Variants in TNRC6B observed in about 807,000 individuals in gnomAD.
TNRC6B encodes the protein trinucleotide repeat-containing gene 6B protein.
Under a neutral mutation model 203.6 loss-of-function variants are expected in TNRC6B, and 52 were observed. That is an observed-to-expected ratio of 0.26 (90% CI 0.20 to 0.32). The LOEUF (loss-of-function observed/expected upper bound fraction) is 0.32, where lower values mean the gene tolerates loss of function less well. TNRC6B is among the 10% of genes least tolerant of loss of function. The pLI, the probability that TNRC6B is intolerant of heterozygous loss-of-function variation, is 1.00. For synonymous variants in TNRC6B, 838 were observed against 845.7 expected, an observed-to-expected ratio of 0.99 and a Z score of 0.16; for missense variants, 1,923 against 2,286.2, an observed-to-expected ratio of 0.84 and a Z score of 3.24.
intron 1 of TNRC6B, among the ~76,000 whole-genome samples, chr22:40,048,463 C>CA (rs2067712848): frequency 6.6e-6 from 1 of 151,554 alleles, no homozygotes. Context: ...ATTGCTTGAA[C>CA]CAAGGAGGCG....
At chr22:40,211,786 G>A (rs1451954312) in intron 1 of TNRC6B, among the ~76,000 whole-genome samples, 3 of 152,124 alleles carry the variant, frequency 2.0e-5, no homozygotes, top group Non-Finnish European at 4.4e-5. Context: ...CTGTTAGGGA[G>A]ATATCTCCAT....
At chr22:40,059,218 A>G (rs1163663992) in intron 1 of TNRC6B, among the ~76,000 whole-genome samples, 1 of 152,122 alleles carries the variant, frequency 6.6e-6, no homozygotes, top group Admixed American at 6.5e-5. Context: ...CTTACTCTCA[A>G]AAAGCCTTCT....
At chr22:40,222,728 C>CTCTTTTTTTTTT (rs2069728214) in intron 1 of TNRC6B, among the ~76,000 whole-genome samples, 3 of 40,184 alleles carry the variant, frequency 7.5e-5, no homozygotes, top group South Asian at 1.5e-3. Flanking sequence ...CTCTCTCTCT[C>CTCTTTTTTTTTT]TTTTTTTTTT....
At chr22:40,281,048 T>C (rs2070715849) in intron 10 of TNRC6B, 71 bp from the exon 11 acceptor site, 2 of 1,297,896 alleles carry the variant, frequency 1.5e-6, no homozygotes, top group Middle Eastern at 1.9e-4. Context: ...TTTCTCTCTT[T>C]TCCCTTCTTG....
rs538889853 is a variant in TNRC6B, at chr22:40,121,244, G to A, written c.-47+4116G>A. On this transcript the variant is annotated intron_variant, in intron 2 of 23. Coordinates refer to the TNRC6B transcript ENST00000301923. The stretch of plus-strand genomic sequence containing the variant: ...CCTCCTCCCTCCCTCCCTCCCTTCC[G>A]TCCTTCCTTCCTTCCTTGTATAGCC... Among the ~76,000 whole-genome samples, 111 of 137,936 alleles carry A rather than the reference G, an allele frequency of 8.0e-4. No homozygotes were observed. The South Asian group carries it at 0.014, about 18-fold the overall frequency. 90.5% of individuals were successfully genotyped at this position (137,936 alleles called of 152,430 possible).
chr22:40,305,587 C>T (rs1367110665), intron 15 of TNRC6B, among the ~76,000 whole-genome samples: 3 of 152,186 alleles, frequency 2.0e-5, no homozygotes, highest in African/African-American at 4.8e-5. Flanking sequence ...CTGGTTACTA[C>T]GTGACATCAA....
At chr22:40,164,557 G>C (rs1397947995) in intron 4 of TNRC6B, among the ~76,000 whole-genome samples, 1 of 151,152 alleles carries the variant, frequency 6.6e-6, no homozygotes, top group Non-Finnish European at 1.5e-5. Flanking sequence ...GAGGTCAGGA[G>C]TCCAAGACCA....
At chr22:40,242,391 C>T (rs968423848) in intron 1 of TNRC6B, among the ~76,000 whole-genome samples, 1 of 152,024 alleles carries the variant, frequency 6.6e-6, no homozygotes, top group African/African-American at 2.4e-5. Flanking sequence ...AACTTATTTT[C>T]TCAACAGTGA....
At chr22:40,222,609 A>G (rs2069724852) in intron 1 of TNRC6B, among the ~76,000 whole-genome samples, 1 of 151,972 alleles carries the variant, frequency 6.6e-6, no homozygotes, top group Admixed American at 6.6e-5. Context: ...TTTTACTTAA[A>G]GTTTTTATTT....
At chr22:40,125,140 CATTTT>C (rs1395403958) in intron 2 of TNRC6B, among the ~76,000 whole-genome samples, 1 of 152,042 alleles carries the variant, frequency 6.6e-6, no homozygotes, top group Non-Finnish European at 1.5e-5. Context: ...TTTCTTGACT[CATTTT>C]ATTCTTTGAG....
chr22:40,144,360 G>A (rs1282619667), intron 3 of TNRC6B, among the ~76,000 whole-genome samples: 2 of 152,198 alleles, frequency 1.3e-5, no homozygotes, highest in African/African-American at 4.8e-5. Context: ...TGTCTGTGCA[G>A]TGGAACACTA....
intron 1 of TNRC6B, among the ~76,000 whole-genome samples, chr22:40,116,771 A>G (rs1453309180): frequency 2.6e-5 from 4 of 152,174 alleles, no homozygotes; most frequent in African/African-American, 9.7e-5. Flanking sequence ...AAGCCTTAAT[A>G]TTAATAACCA....
rs1880700045 is a variant in TNRC6B, at chr22:40,177,948, G to A, written c.-188G>A. 4.3e-6 allele frequency: 6 copies of A among 1,404,940 alleles called. No individual in the cohort carries two copies. Among genetic ancestry groups the A allele is most frequent in the Non-Finnish European group, 5.5e-6 (6 of 1,084,406 alleles). The allele number at this position is 1,404,940 out of a possible 1,614,324, so 87.0% of individuals were successfully genotyped here. Reference sequence around the variant, plus strand: ...TTAGAGACAGAGAGGGAGAGAGAGAGCAAGAGGGAGAGTGTGTGAGAGAGA... The same window carrying A: ...TTAGAGACAGAGAGGGAGAGAGAGAACAAGAGGGAGAGTGTGTGAGAGAGA... On this transcript the variant is annotated 5_prime_UTR_variant, in exon 1 of 23. Transcript: ENST00000454349.
rs375620018 is a variant in TNRC6B at position 40,265,779 on chromosome 22, T to C, written c.1549T>C (p.Ser517Pro). 45 of 1,613,382 alleles carry C rather than the reference T, an allele frequency of 2.8e-5. No homozygotes were observed. In the African/African-American group the frequency reaches 5.2e-4, roughly 19 times the overall value. Reference sequence around the variant, plus strand: ...GGGAGAATGGAAACAGCCGACTGGGTCTGATGAGTTGAAAATTGGAGAATG... The same window carrying C: ...GGGAGAATGGAAACAGCCGACTGGGCCTGATGAGTTGAAAATTGGAGAATG... ...SQGEWKQPTG[S>P]DELKIGEWSG... Residue 517 changes from serine to proline, a missense_variant, in exon 5 of 23, where the codon TCT (serine) becomes CCT (proline). Ser to Pro is a moderately conservative substitution (Grantham distance 74). Transcript: ENST00000454349.
At chr22:40,134,393 A>T (rs531901332) in intron 3 of TNRC6B, among the ~76,000 whole-genome samples, 2 of 152,324 alleles carry the variant, frequency 1.3e-5, no homozygotes, top group East Asian at 3.9e-4. Flanking sequence ...AGAATACCTG[A>T]TCAGCACTCC....
intron 1 of TNRC6B, among the ~76,000 whole-genome samples, chr22:40,091,109 A>C (rs1569257095): frequency 6.6e-6 from 1 of 151,906 alleles, no homozygotes. Flanking sequence ...AGCCTCCTGA[A>C]TAGCTGGGAC....
At chr22:40,291,058 G>A (rs2070863632) in intron 12 of TNRC6B, among the ~76,000 whole-genome samples, 2 of 152,058 alleles carry the variant, frequency 1.3e-5, no homozygotes, top group South Asian at 4.1e-4. Context: ...CAACATTTCT[G>A]TATTTCTAAA....
At chr22:40,145,113 G>A (rs1052096210) in intron 3 of TNRC6B, among the ~76,000 whole-genome samples, 10 of 151,642 alleles carry the variant, frequency 6.6e-5, no homozygotes, top group African/African-American at 2.4e-4. Context: ...GGGTGTGCTG[G>A]CACAGGCCTG....
In TNRC6B at chr22:40,285,749, T is replaced by A; in HGVS notation, c.3687T>A (p.Pro1229=). 1 of 1,613,902 alleles carries A rather than the reference T, an allele frequency of 6.2e-7. No individual in the cohort carries two copies. The highest frequency in any genetic ancestry group is 8.5e-7 in the Non-Finnish European group (1 of 1,179,868). Residue 1229 remains proline, a synonymous_variant, in exon 12 of 23, where the codon CCT becomes CCA. Transcript: ENST00000454349. The part of the protein sequence containing the change: ...NSSPSLRAQV[P]PQFISPQVSA... ...CTCCCAGTCTCCGGGCGCAAGTGCC[T>A]CCCCAGTTTATTTCCCCCCAGGTAA...
Sources: allele counts gnomAD v4.1 joint callset (sites outside exome capture counted in the v4.1 genomes callset), GRCh38; gene constraint gnomAD v4.1.1; transcripts MANE v1.5; gene names NCBI Gene and HGNC (gene_info 2026-07-23, HGNC 2026-07-21).